Variants in HEMK2 observed in about 807,000 individuals in gnomAD.
HEMK2 encodes methyltransferase HEMK2.
chr21:28,835,909 C>A, the HEMK2 span, among the ~76,000 whole-genome samples: 1 of 151,500 alleles, frequency 6.6e-6, no homozygotes, highest in Non-Finnish European at 1.5e-5. Flanking sequence ...ATGACATGGT[C>A]GTCAAATTAA....
the HEMK2 span, among the ~76,000 whole-genome samples, chr21:28,877,140 AAGAGAG>A: frequency 8.7e-6 from 1 of 114,356 alleles, no homozygotes; most frequent in East Asian, 2.5e-4. Flanking sequence ...AAGAGAAGAG[AAGAGAG>A]AGAGAGAAAG....
At chr21:28,829,981 G>C in the HEMK2 span, among the ~76,000 whole-genome samples, 1 of 152,174 alleles carries the variant, frequency 6.6e-6, no homozygotes, top group Non-Finnish European at 1.5e-5. Flanking sequence ...AGATCTGTCT[G>C]CTCCCAGTCA....
chr21:28,704,645 C>T, the HEMK2 span, among the ~76,000 whole-genome samples: 1 of 151,626 alleles, frequency 6.6e-6, no homozygotes, highest in Non-Finnish European at 1.5e-5. Context: ...AGGGAACAAC[C>T]GTTTAAAAAA....
At chr21:28,576,958 G>A in the HEMK2 span, among the ~76,000 whole-genome samples, 18 of 152,240 alleles carry the variant, frequency 1.2e-4, no homozygotes, top group African/African-American at 3.8e-4. Context: ...TGATCCACCC[G>A]CCTCAGCTTC....
the HEMK2 span, among the ~76,000 whole-genome samples, chr21:28,609,565 AG>A: frequency 0.28 from 35,349 of 126,242 alleles, 5,880 homozygotes; most frequent in East Asian, 0.62. Flanking sequence ...CTGAATTGCC[AG>A]GAAAAAAAAA....
At chr21:28,620,660 C>CTTTTTTTTTGTTTTTTTTT in the HEMK2 span, among the ~76,000 whole-genome samples, 1 of 49,654 alleles carries the variant, frequency 2.0e-5, no homozygotes, top group East Asian at 7.5e-4. Flanking sequence ...TCTCTCTTTT[C>CTTTTTTTTTGTTTTTTTTT]TTTTTTTTTT....
the HEMK2 span, among the ~76,000 whole-genome samples, chr21:28,831,738 A>AAG: frequency 6.1e-5 from 7 of 115,202 alleles, no homozygotes; most frequent in East Asian, 5.3e-4. Context: ...AAGGAAGGAA[A>AAG]GAAAGAAAGA....
chr21:28,828,790 T>G, the HEMK2 span, among the ~76,000 whole-genome samples: 3 of 152,134 alleles, frequency 2.0e-5, no homozygotes, highest in Admixed American at 2.0e-4. Context: ...CGAATATCCA[T>G]CTCTGTGAAG....
chr21:28,584,749 T>C, the HEMK2 span, among the ~76,000 whole-genome samples: 1 of 151,994 alleles, frequency 6.6e-6, no homozygotes, highest in Non-Finnish European at 1.5e-5. Context: ...GACAACCCTA[T>C]GTAAAGCTGG....
the HEMK2 span, among the ~76,000 whole-genome samples, chr21:28,827,753 T>C: frequency 1.3e-5 from 2 of 152,260 alleles, no homozygotes; most frequent in South Asian, 4.1e-4. Context: ...ACTGTTATAA[T>C]TGCATGCATC....
the HEMK2 span, among the ~76,000 whole-genome samples, chr21:28,634,388 T>G: frequency 6.6e-6 from 1 of 152,140 alleles, no homozygotes; most frequent in Non-Finnish European, 1.5e-5. Flanking sequence ...ACAGTACATT[T>G]CCATGTATGT....
chr21:28,776,446 C>T, the HEMK2 span, among the ~76,000 whole-genome samples: 2 of 152,112 alleles, frequency 1.3e-5, no homozygotes, highest in African/African-American at 2.4e-5. Context: ...GAGAGGCCCA[C>T]GCAAGTGTGG....
At chr21:28,811,276 G>GAAAGA in the HEMK2 span, among the ~76,000 whole-genome samples, 1 of 132,956 alleles carries the variant, frequency 7.5e-6, no homozygotes, top group Non-Finnish European at 1.6e-5. Context: ...GAAAGAGAAA[G>GAAAGA]AAAGAAAAGA....
the HEMK2 span, among the ~76,000 whole-genome samples, chr21:28,858,019 G>C: frequency 1.3e-5 from 2 of 152,142 alleles, no homozygotes; most frequent in Non-Finnish European, 2.9e-5. Flanking sequence ...CTACAATAAA[G>C]ATCTTCTATC....
At chr21:28,740,646 G>A in the HEMK2 span, among the ~76,000 whole-genome samples, 15 of 152,220 alleles carry the variant, frequency 9.9e-5, no homozygotes, top group Middle Eastern at 3.4e-3. Flanking sequence ...ATTCAAATGA[G>A]GCCAAAAACT....
chr21:28,754,399 C>A, the HEMK2 span, among the ~76,000 whole-genome samples: 1 of 152,192 alleles, frequency 6.6e-6, no homozygotes, highest in Non-Finnish European at 1.5e-5. Context: ...GTGTGAGGGT[C>A]TGACATTACT....
the HEMK2 span, among the ~76,000 whole-genome samples, chr21:28,816,080 A>C: frequency 1.3e-5 from 2 of 152,208 alleles, no homozygotes; most frequent in African/African-American, 4.8e-5. Flanking sequence ...GCAGCAAGAG[A>C]TGGCATCTGA....
the HEMK2 span, among the ~76,000 whole-genome samples, chr21:28,612,173 CAA>C: frequency 7.6e-5 from 9 of 118,184 alleles, no homozygotes; most frequent in South Asian, 2.7e-4. Flanking sequence ...CAAAAATCCT[CAA>C]AAAAAAAAAA....
At chr21:28,617,790 CTTTT>C in the HEMK2 span, among the ~76,000 whole-genome samples, 5 of 147,918 alleles carry the variant, frequency 3.4e-5, no homozygotes, top group South Asian at 2.1e-4. Context: ...TCTTGACTGC[CTTTT>C]TTTTTTTTTT....
Sources: gnomAD v4.1 joint callset for allele counts (sites outside exome capture counted in the v4.1 genomes callset) on GRCh38, gnomAD v4.1.1 for gene constraint, MANE v1.5 for transcripts, NCBI Gene and HGNC (gene_info 2026-07-23, HGNC 2026-07-21) for gene names.